Variants in PGAP4 observed in about 807,000 individuals in gnomAD.
The protein encoded by PGAP4 is GPI-N-acetylgalactosamine transferase PGAP4.
Under a neutral mutation model 28.2 loss-of-function variants are expected in PGAP4, and 12 were observed. The ratio of observed to expected loss-of-function variants is 0.42; its 90% CI spans 0.27 to 0.69. The LOEUF (loss-of-function observed/expected upper bound fraction) is 0.69, where lower values mean the gene tolerates loss of function less well. Ranked by LOEUF, PGAP4 falls within the 30% of genes least tolerant of loss-of-function variation. The pLI is 0.22. For missense variants in PGAP4, 425 were observed against 513.5 expected (o/e 0.83, Z 1.67); for synonymous variants, 205 against 211.8 (o/e 0.97, Z 0.28).
exon 2 of PGAP4, chr9:101,531,552 C>A (rs1397331415): frequency 2.0e-5 from 3 of 152,202 alleles, no homozygotes; most frequent in Non-Finnish European, 2.9e-5. Flanking sequence ...CAGCCTCACA[C>A]AGAAAATCTG....
At chr9:101,523,263 A>G (rs12003467) in intron 2 of PGAP4, among the ~76,000 whole-genome samples, 15,892 of 152,196 alleles carry the variant, frequency 0.1, 1,147 homozygotes, top group Admixed American at 0.15. Flanking sequence ...TAGCAAGGCC[A>G]GGAAAGTTTT....
chr9:101,531,195 T>TACACACACACACAC (rs367760603), intron 2 of PGAP4: 4 of 137,500 alleles, frequency 2.9e-5, no homozygotes, highest in East Asian at 2.2e-4. Context: ...AATCTCTTTC[T>TACACACACACACAC]ACACACACAC....
chr9:101,516,361 T>C (rs1826943715), intron 2 of PGAP4, among the ~76,000 whole-genome samples: 1 of 152,226 alleles, frequency 6.6e-6, no homozygotes, highest in Non-Finnish European at 1.5e-5. Context: ...CAATAGTAGC[T>C]TCACCAGATA....
chr9:101,521,000 G>C (rs759137303), intron 2 of PGAP4, among the ~76,000 whole-genome samples: 36 of 152,020 alleles, frequency 2.4e-4, no homozygotes, highest in Admixed American at 5.2e-4. Flanking sequence ...TTTTAATTCT[G>C]TTTATGTTGT....
intron 2 of PGAP4, among the ~76,000 whole-genome samples, chr9:101,521,514 A>G (rs988065964): frequency 2.0e-5 from 3 of 152,162 alleles, no homozygotes; most frequent in African/African-American, 4.8e-5. Flanking sequence ...TGTTCATAGT[A>G]GCCTTGAATG....
intron 2 of PGAP4, among the ~76,000 whole-genome samples, chr9:101,505,811 T>G (rs533155644): frequency 2.2e-4 from 34 of 152,242 alleles, no homozygotes; most frequent in Non-Finnish European, 3.7e-4. Flanking sequence ...GTAAATGGAC[T>G]CTTCCCTGAA....
exon 1 of PGAP4, chr9:101,532,967 G>A (rs1373085749): frequency 6.6e-6 from 1 of 152,034 alleles, no homozygotes; most frequent in Non-Finnish European, 1.5e-5. Context: ...CTTAGCTGAC[G>A]TCATTAGGTA....
upstream of PGAP4, among the ~76,000 whole-genome samples, chr9:101,489,813 C>T (rs1192748481): frequency 1.3e-5 from 2 of 152,188 alleles, no homozygotes; most frequent in Non-Finnish European, 2.9e-5. Context: ...TTACTCTGAA[C>T]ATCTTCTCTT....
At chr9:101,501,845 G>A (rs1826804010) in intron 2 of PGAP4, 1 of 485,678 alleles carries the variant, frequency 2.1e-6, no homozygotes, top group African/African-American at 2.0e-5. Flanking sequence ...AAAAAAGGGG[G>A]ATCAAGTTCA....
upstream of PGAP4, among the ~76,000 whole-genome samples, chr9:101,487,426 C>T (rs1476195701): frequency 6.6e-6 from 1 of 152,214 alleles, no homozygotes; most frequent in Non-Finnish European, 1.5e-5. Context: ...GAATGTTTTT[C>T]AGTCTTCCCC....
chr9:101,516,172 C>A (rs1461378227), intron 2 of PGAP4, among the ~76,000 whole-genome samples: 3 of 152,048 alleles, frequency 2.0e-5, no homozygotes, highest in Non-Finnish European at 4.4e-5. Context: ...ATAAGTTAAT[C>A]TATTTTACTC....
chr9:101,483,653 T>C (rs936967619), intron 1 of PGAP4, among the ~76,000 whole-genome samples: 2 of 152,088 alleles, frequency 1.3e-5, no homozygotes, highest in African/African-American at 2.4e-5. Flanking sequence ...ATGTACTATA[T>C]ATATGCATTA....
chr9:101,521,004 A>T (rs1414684716), intron 2 of PGAP4, among the ~76,000 whole-genome samples: 1 of 152,026 alleles, frequency 6.6e-6, no homozygotes, highest in African/African-American at 2.4e-5. Context: ...AATTCTGTTT[A>T]TGTTGTGTAT....
chr9:101,517,171 C>A lies in PGAP4; in HGVS notation c.-165+14177G>T, dbSNP rs537029274. On this transcript the variant is annotated intron_variant, in intron 2 of 3. Coordinates refer to the PGAP4 transcript ENST00000374851. ...CTGTTTGTATATAAGATTTCAGAAG[C>A]TTTACCTCACCAAGTTCCAAAGTGA... Among the ~76,000 whole-genome samples, 7 of 152,174 alleles carry A rather than the reference C, an allele frequency of 4.6e-5. No individual in the cohort carries two copies. The East Asian group carries it at 1.4e-3, about 29-fold the overall frequency.
At chr9:101,488,033 A>G (rs535526451), upstream of PGAP4, among the ~76,000 whole-genome samples, 3 of 152,300 alleles carry the variant, frequency 2.0e-5, no homozygotes, top group East Asian at 1.9e-4. Context: ...AAGCCAGTAA[A>G]TGCTCATATG....
At chr9:101,490,811 G>A (rs1826680548), upstream of PGAP4, among the ~76,000 whole-genome samples, 1 of 152,122 alleles carries the variant, frequency 6.6e-6, no homozygotes, top group African/African-American at 2.4e-5. Flanking sequence ...TAAGTTTGTG[G>A]GGCTTGGAAG....
chr9:101,476,071 G>C lies in PGAP4; in HGVS notation c.1022C>G (p.Ala341Gly). Residue 341 changes from alanine to glycine, a missense_variant, in exon 2 of 2, where the codon GCA becomes GGA. Physicochemically the swap from Ala to Gly is moderately conservative, Grantham distance 60. Coordinates refer to ENST00000374848, the MANE Select transcript of PGAP4 (RefSeq NM_032342.3). This position sits in a 1 kb window ranked among gnomAD's most constrained non-coding sequence, Gnocchi z 7.0. ...QCCTPAMLFPAPAARRTLTYL... is the reference protein window; with the variant it reads ...QCCTPAMLFPGPAARRTLTYL... ...GGTGAGGGTCCGGCGGGCCGCAGGT[G>C]CCGGGAAGAGCATGGCTGGGGTGCA... is the stretch of plus-strand genomic sequence containing the variant. The C allele has an allele frequency of 6.2e-7, 1 of 1,614,184 alleles. No homozygotes were observed. Among genetic ancestry groups the C allele is most frequent in the Non-Finnish European group, 8.5e-7 (1 of 1,180,030 alleles).
At position 101,513,805 on chromosome 9, in the gene PGAP4, G is replaced by A. The variant is rs972139710; in HGVS notation, c.-165+17543C>T. ...CTCAAGACCCTGGGATGGCAATATT[G>A]TGGCTCATTCCAAGTCCAAAAGCCT... On this transcript the variant is annotated intron_variant, in intron 2 of 3. Transcript: ENST00000374851. Among the ~76,000 whole-genome samples the A allele has an allele frequency of 3.9e-5, 6 of 152,008 alleles. No individual in the cohort carries two copies. The South Asian group carries it at 1.2e-3, about 32-fold the overall frequency.
chr9:101,521,405 T>G (rs1564102349), intron 2 of PGAP4, among the ~76,000 whole-genome samples: 1 of 152,170 alleles, frequency 6.6e-6, no homozygotes, highest in African/African-American at 2.4e-5. Context: ...TATTGGTCTG[T>G]TCAGGGTTTC....
Sources: gnomAD v4.1 joint callset for allele counts (sites outside exome capture counted in the v4.1 genomes callset) on GRCh38, gnomAD v4.1.1 for gene constraint, Gnocchi (gnomAD v3.1) non-coding constraint, MANE v1.5 for transcripts, NCBI Gene and HGNC (gene_info 2026-07-23, HGNC 2026-07-21) for gene names.